The following STARD3NL variants were observed in gnomAD, a reference collection of about 807,000 sequenced individuals.
STARD3NL encodes the protein STARD3 N-terminal-like protein.
STARD3NL carries 17 observed loss-of-function variants against 30.9 expected under a neutral mutation model. The ratio of observed to expected loss-of-function variants is 0.55; its 90% CI spans 0.38 to 0.82. The LOEUF (loss-of-function observed/expected upper bound fraction) is 0.82, where lower values mean the gene tolerates loss of function less well. Among genes scored for constraint, STARD3NL ranks in the 40% least tolerant of loss-of-function variants. The pLI is 0.00. For synonymous variants in STARD3NL, 112 were observed against 100.5 expected, an observed-to-expected ratio of 1.11 and a Z score of -0.69; for missense variants, 234 against 277.6, an observed-to-expected ratio of 0.84 and a Z score of 1.12.
chr7:38,194,911 G>C (rs1289822874), intron 1 of STARD3NL, among the ~76,000 whole-genome samples: 2 of 151,904 alleles, frequency 1.3e-5, no homozygotes, highest in African/African-American at 4.8e-5. Flanking sequence ...ATATCAAATA[G>C]GCTAAAAAAG....
intron 7 of STARD3NL, among the ~76,000 whole-genome samples, chr7:38,226,249 C>CTTTA (rs10630740): frequency 1 from 150,704 of 150,720 alleles, 75,344 homozygotes; most frequent in Middle Eastern, 1. Flanking sequence ...TGTTCTTGCT[C>CTTTA]TTTGTTTAGT....
At chr7:38,192,944 G>GT (rs200353298) in intron 1 of STARD3NL, among the ~76,000 whole-genome samples, 11,367 of 151,046 alleles carry the variant, frequency 0.075, 559 homozygotes, top group Non-Finnish European at 0.11. Flanking sequence ...ATTGTTGTTG[G>GT]TTTTTTTTTA....
At chr7:38,223,603 T>G (rs1562626934) in intron 7 of STARD3NL, among the ~76,000 whole-genome samples, 3 of 152,292 alleles carry the variant, frequency 2.0e-5, no homozygotes, top group South Asian at 2.1e-4. Context: ...CAGCCTTGCC[T>G]TCTTCTGGTT....
chr7:38,229,060 T>C (rs1365350912), intron 8 of STARD3NL, among the ~76,000 whole-genome samples, 189 bp downstream of exon 8: 1 of 152,254 alleles, frequency 6.6e-6, no homozygotes, highest in African/African-American at 2.4e-5. Context: ...TATACATTTA[T>C]AAGGTTTTGA....
At chr7:38,189,209 A>G (rs1430851465) in intron 1 of STARD3NL, among the ~76,000 whole-genome samples, 1 of 152,190 alleles carries the variant, frequency 6.6e-6, no homozygotes, top group Non-Finnish European at 1.5e-5. Flanking sequence ...GAAAGCATTA[A>G]TTACATCCCA....
At chr7:38,222,141 T>TCACACACACACACACACACACACACACA (rs3223376) in intron 7 of STARD3NL, among the ~76,000 whole-genome samples, 1 of 144,196 alleles carries the variant, frequency 6.9e-6, no homozygotes, top group African/African-American at 2.6e-5. Flanking sequence ...GTTAATATTT[T>TCACACACACACACACACACACACACACA]CACACACACA....
intron 6 of STARD3NL, among the ~76,000 whole-genome samples, chr7:38,219,343 A>G (rs1786314685): frequency 6.6e-6 from 1 of 152,206 alleles, no homozygotes; most frequent in Non-Finnish European, 1.5e-5. Context: ...CACCATGCCC[A>G]GTCTCATGAG....
chr7:38,222,160 C>G (rs1786505213), intron 7 of STARD3NL, among the ~76,000 whole-genome samples: 1 of 149,816 alleles, frequency 6.7e-6, no homozygotes, highest in African/African-American at 2.5e-5. Context: ...CACACACACA[C>G]ACACACACAC....
At chr7:38,193,854 G>C (rs1012597669) in intron 1 of STARD3NL, among the ~76,000 whole-genome samples, 1 of 152,028 alleles carries the variant, frequency 6.6e-6, no homozygotes, top group Non-Finnish European at 1.5e-5. Flanking sequence ...TTATACTTTT[G>C]TCCTGTAGTA....
At chr7:38,218,653 GAC>G (rs1312148690) in intron 6 of STARD3NL, among the ~76,000 whole-genome samples, 1 of 152,152 alleles carries the variant, frequency 6.6e-6, no homozygotes, top group Non-Finnish European at 1.5e-5. Context: ...TAGCATGTAT[GAC>G]ACACATACCT....
chr7:38,227,797 TC>T (rs1050818378), intron 7 of STARD3NL, among the ~76,000 whole-genome samples: 1 of 152,160 alleles, frequency 6.6e-6, no homozygotes, highest in Non-Finnish European at 1.5e-5. Context: ...TTAGTTTCCT[TC>T]TTGGGGTGTG....
intron 6 of STARD3NL, among the ~76,000 whole-genome samples, chr7:38,219,107 C>T (rs1454287213): frequency 6.6e-6 from 1 of 152,206 alleles, no homozygotes; most frequent in Non-Finnish European, 1.5e-5. Flanking sequence ...AGTGCAGTGG[C>T]ACAATCATGG....
chr7:38,203,314 G>A (rs1356019385), intron 1 of STARD3NL, among the ~76,000 whole-genome samples: 2 of 152,214 alleles, frequency 1.3e-5, no homozygotes, highest in Non-Finnish European at 1.5e-5. Context: ...CCAGAAGAGA[G>A]TGGGGGCCAA....
At chr7:38,226,788 A>G (rs1214220760) in intron 7 of STARD3NL, among the ~76,000 whole-genome samples, 6 of 152,158 alleles carry the variant, frequency 3.9e-5, no homozygotes, top group Non-Finnish European at 8.8e-5. Flanking sequence ...GTCACTGGGC[A>G]TGAGCATGGC....
At chr7:38,201,444 G>A (rs1191376154) in intron 1 of STARD3NL, among the ~76,000 whole-genome samples, 1 of 152,026 alleles carries the variant, frequency 6.6e-6, no homozygotes, top group Non-Finnish European at 1.5e-5. Flanking sequence ...GAAGGAAAAA[G>A]GAGTGAAACT....
intron 1 of STARD3NL, among the ~76,000 whole-genome samples, chr7:38,184,544 G>A (rs918971382): frequency 6.6e-6 from 1 of 150,884 alleles, no homozygotes; most frequent in Non-Finnish European, 1.5e-5. Context: ...TAAACAAGCA[G>A]ATCTCATGCA....
chr7:38,226,152 G>GTTTTTTTT (rs11286474), intron 7 of STARD3NL, among the ~76,000 whole-genome samples: 48 of 102,450 alleles, frequency 4.7e-4, no homozygotes, highest in East Asian at 1.7e-3. Context: ...TGCCTATCTT[G>GTTTTTTTT]TTTTTTTTTT....
Position 38,215,033 on chromosome 7 carries a change from G to T in STARD3NL, c.309G>T (p.Leu103=). The T allele has an allele frequency of 6.2e-7, 1 of 1,613,700 alleles. No individual in the cohort carries two copies. The highest frequency in any genetic ancestry group is 2.2e-5 in the East Asian group (1 of 44,872). ...CTTTATTTTCTTACTTTCAGCTTCT[G>T]GCAGTTTTTCGATTTAAAGTGTTAA... ...YYSSYFDIFL[L]AVFRFKVLIL... Residue 103 remains leucine, a synonymous_variant, in exon 4 of 9, where the codon CTG becomes CTT. Coordinates refer to ENST00000009041, the MANE Select transcript of STARD3NL (RefSeq NM_032016.4).
chr7:38,180,131 C>T (rs780372410), intron 1 of STARD3NL, among the ~76,000 whole-genome samples: 28 of 152,222 alleles, frequency 1.8e-4, no homozygotes, highest in Non-Finnish European at 3.4e-4. Flanking sequence ...TTTAGTGATA[C>T]TCATAAACTC....
Sources: gnomAD v4.1 joint callset for allele counts (sites outside exome capture counted in the v4.1 genomes callset) on GRCh38, gnomAD v4.1.1 for gene constraint, MANE v1.5 for transcripts, NCBI Gene and HGNC (gene_info 2026-07-23, HGNC 2026-07-21) for gene names.